The following GALNT11 variants were observed in gnomAD, a reference collection of about 807,000 sequenced individuals.
GALNT11 encodes polypeptide N-acetylgalactosaminyltransferase 11, also known as UDP-GalNAc:polypeptide N-acetylgalactosaminyltransferase 11.
Under a neutral mutation model 72.7 loss-of-function variants are expected in GALNT11, and 47 were observed. The observed-to-expected ratio is 0.65, with a 90% CI of 0.51 to 0.82. GALNT11 has a LOEUF of 0.82. GALNT11 is among the 40% of genes least tolerant of loss of function. GALNT11 has a pLI of 0.00. For synonymous variants in GALNT11, 270 were observed against 286.6 expected (o/e 0.94, Z 0.58); for missense variants, 677 against 778.4 (o/e 0.87, Z 1.55).
rs78866588 is a variant in GALNT11 at position 152,122,175 on chromosome 7, C to T, written c.*498C>T. On this transcript the variant is annotated 3_prime_UTR_variant, in exon 12 of 12. Transcript: ENST00000430044. ...GATAGTGCTTTAAAAAAAAAAAAAA[C>T]TTCTATTATTTGTTTAGTATGTTGT... The T allele has an allele frequency of 1.4e-5, 2 of 147,470 alleles. No homozygotes were observed. The highest frequency in any genetic ancestry group is 5.0e-5 in the African/African-American group (2 of 39,712). 9.1% of individuals were successfully genotyped at this position (147,470 alleles called of 1,614,324 possible). A position where few individuals can be genotyped will look rare whatever the true frequency, so the allele number is the denominator to read the frequency against.
chr7:152,098,811 G>C (rs2086560452), intron 2 of GALNT11, among the ~76,000 whole-genome samples: 1 of 152,174 alleles, frequency 6.6e-6, no homozygotes, highest in South Asian at 2.1e-4. Flanking sequence ...AATGCTAGTG[G>C]AGGTTTGTTG....
chr7:152,061,369 T>G (rs1396032136), intron 1 of GALNT11, among the ~76,000 whole-genome samples: 2 of 152,248 alleles, frequency 1.3e-5, no homozygotes, highest in Non-Finnish European at 2.9e-5. Flanking sequence ...AGATTCTAGA[T>G]ATTAGCCCTT....
At chr7:152,101,668 C>T in intron 3 of GALNT11, among the ~76,000 whole-genome samples, 1 of 146,102 alleles carries the variant, frequency 6.8e-6, no homozygotes, top group African/African-American at 2.6e-5. Flanking sequence ...GAGTCTTTCT[C>T]TGTTGCCCAG....
intron 1 of GALNT11, chr7:152,074,546 G>A (rs1015070209): frequency 6.6e-6 from 1 of 152,110 alleles, no homozygotes. Flanking sequence ...CAGCTTTGAG[G>A]TATATTTTGA....
In GALNT11 at chr7:152,108,098, T is replaced by TG; in HGVS notation, c.774dup (p.Leu259AlafsTer6). 6.2e-7 allele frequency: 1 copy of TG among 1,614,052 alleles called. No individual in the cohort carries two copies. ...GTGAATGTGATGTGGCTGCAGCCCT[T>TG]GCTGGCCGCCATCCGTGAGGACCGG... is the stretch of plus-strand genomic sequence containing the variant. On this transcript the variant is annotated frameshift_variant, in exon 6 of 12. Coordinates refer to ENST00000430044, the MANE Select transcript of GALNT11 (RefSeq NM_022087.4). LOFTEE classifies it high-confidence loss of function.
In GALNT11 at chr7:152,105,470, T is replaced by C. The variant is rs907109391; in HGVS notation, c.712+100T>C. 2.4e-5 allele frequency: 35 copies of C among 1,482,758 alleles called. No homozygotes were observed. In the Admixed American group the frequency reaches 7.2e-4, roughly 30 times the overall value. The allele number at this position is 1,482,758 out of a possible 1,614,324, so 91.9% of individuals were successfully genotyped here. On this transcript the variant is annotated intron_variant, in intron 5 of 11. Coordinates refer to ENST00000430044, the MANE Select transcript of GALNT11 (RefSeq NM_022087.4). ...TGCAAAGTCTATGAAGAGTAGTGTTTCAAACGGACATTGCCAGCAGGAGAG... is the reference window on the plus strand; with the variant it reads ...TGCAAAGTCTATGAAGAGTAGTGTTCCAAACGGACATTGCCAGCAGGAGAG...
At chr7:152,116,861 G>A in intron 8 of GALNT11, 1 of 541,758 alleles carries the variant, frequency 1.8e-6, no homozygotes. Context: ...TTAATAATTT[G>A]TAGGTTTCTC....
intron 1 of GALNT11, among the ~76,000 whole-genome samples, chr7:152,034,365 CAGAAA>C (rs2082453706): frequency 6.6e-6 from 1 of 152,156 alleles, no homozygotes; most frequent in Non-Finnish European, 1.5e-5. Flanking sequence ...TTCCCTCTTA[CAGAAA>C]AGGTCAAGCT....
At chr7:152,055,890 T>G (rs2083652130) in intron 1 of GALNT11, among the ~76,000 whole-genome samples, 1 of 152,114 alleles carries the variant, frequency 6.6e-6, no homozygotes, top group Non-Finnish European at 1.5e-5. Flanking sequence ...TTGTGTACCC[T>G]TTACCTAATT....
At chr7:152,071,888 T>G (rs2084672057) in intron 1 of GALNT11, among the ~76,000 whole-genome samples, 1 of 151,918 alleles carries the variant, frequency 6.6e-6, no homozygotes, top group Non-Finnish European at 1.5e-5. Context: ...TTATACTTCT[T>G]TTAAAAAGTT....
chr7:152,040,510 C>T (rs1178270680), intron 1 of GALNT11, among the ~76,000 whole-genome samples: 2 of 152,204 alleles, frequency 1.3e-5, no homozygotes, highest in South Asian at 4.1e-4. Flanking sequence ...TTAGATATTA[C>T]TTTAGCAACA....
chr7:152,033,291 C>G (rs1257997825), intron 1 of GALNT11, among the ~76,000 whole-genome samples: 2 of 152,208 alleles, frequency 1.3e-5, no homozygotes, highest in African/African-American at 4.8e-5. Flanking sequence ...ACAAGCCCTA[C>G]CGGGTGATTG....
At chr7:152,056,364 T>G (rs2083676247) in intron 1 of GALNT11, among the ~76,000 whole-genome samples, 1 of 152,204 alleles carries the variant, frequency 6.6e-6, no homozygotes, top group Admixed American at 6.5e-5. Flanking sequence ...AAAAATGTCT[T>G]CAGACACTGC....
chr7:152,060,599 A>G (rs1428878993), intron 1 of GALNT11, among the ~76,000 whole-genome samples: 1 of 151,814 alleles, frequency 6.6e-6, no homozygotes, highest in Non-Finnish European at 1.5e-5. Context: ...TACATTAGGT[A>G]TATCTCCTAA....
chr7:152,072,283 C>G (rs1242001022), intron 1 of GALNT11, among the ~76,000 whole-genome samples: 2 of 149,926 alleles, frequency 1.3e-5, no homozygotes, highest in Middle Eastern at 3.4e-3. Flanking sequence ...TGTGCCACTT[C>G]CAGCCTAGGT....
chr7:152,090,247 G>T (rs548122045), intron 1 of GALNT11, among the ~76,000 whole-genome samples: 71 of 152,314 alleles, frequency 4.7e-4, no homozygotes, highest in Non-Finnish European at 9.0e-4. Context: ...TTTTGCAAAG[G>T]CAGTTTCATT....
Position 152,108,102 on chromosome 7 carries a change from G to C in GALNT11, c.777G>C (p.Leu259=). The change falls in exon 6 of 12, where the codon CTG becomes CTC. Residue 259 remains leucine (L), a synonymous_variant. Transcript: ENST00000430044. ...EVNVMWLQPL[L]AAIREDRHTV... Reference sequence around the variant, plus strand: ...ATGTGATGTGGCTGCAGCCCTTGCTGGCCGCCATCCGTGAGGACCGGCACA... The same window carrying C: ...ATGTGATGTGGCTGCAGCCCTTGCTCGCCGCCATCCGTGAGGACCGGCACA... 1 of 1,614,042 alleles carries C rather than the reference G, an allele frequency of 6.2e-7. No individual in the cohort carries two copies. The highest frequency in any genetic ancestry group is 8.5e-7 in the Non-Finnish European group (1 of 1,179,948).
intron 1 of GALNT11, among the ~76,000 whole-genome samples, chr7:152,054,357 C>A (rs915071041): frequency 6.7e-6 from 1 of 148,856 alleles, no homozygotes; most frequent in African/African-American, 2.5e-5. Context: ...TAAAAATCTT[C>A]AGGATAGTAA....
chr7:152,040,011 C>T (rs6464197), intron 1 of GALNT11, among the ~76,000 whole-genome samples: 24,159 of 151,738 alleles, frequency 0.16, 4,678 homozygotes, highest in African/African-American at 0.46. Context: ...TTGCAACTGC[C>T]GTTTCAGGGA....
Sources: gnomAD v4.1 joint callset for allele counts (sites outside exome capture counted in the v4.1 genomes callset) on GRCh38, gnomAD v4.1.1 for gene constraint, MANE v1.5 for transcripts, NCBI Gene and HGNC (gene_info 2026-07-23, HGNC 2026-07-21) for gene names.